The following DLGAP2 variants were observed in gnomAD, a reference collection of about 807,000 sequenced individuals.
The protein encoded by DLGAP2 is disks large-associated protein 2.
Under a neutral mutation model 100.3 loss-of-function variants are expected in DLGAP2, and 26 were observed. That is an observed-to-expected ratio of 0.26 (90% confidence interval 0.19 to 0.36). DLGAP2 has a LOEUF of 0.36. DLGAP2 is among the 10% of genes least tolerant of loss of function. The pLI is 1.00. For missense variants in DLGAP2, 1,858 were observed against 1,453.2 expected, an observed-to-expected ratio of 1.28 and a Z score of -4.53; for synonymous variants, 886 against 630.1, an observed-to-expected ratio of 1.41 and a Z score of -6.08.
At chr8:931,542 G>C (rs753774631) in intron 2 of DLGAP2, among the ~76,000 whole-genome samples, 9 of 152,188 alleles carry the variant, frequency 5.9e-5, no homozygotes, top group Non-Finnish European at 1.3e-4. Context: ...ACTGCCACTT[G>C]TCATGATGTT....
rs112169113 is a variant in DLGAP2 at position 963,894 on chromosome 8, G to T, written c.73+55928G>T. On this transcript the variant is annotated intron_variant, in intron 2 of 14. Coordinates refer to ENST00000637795, the MANE Select transcript of DLGAP2 (RefSeq NM_001346810.2). ...GCAATTAATACAAGTGTAAAGCCAA[G>T]TCCAGGTGGCTTGCAGCATTGCCTG... 5.0e-3 allele frequency among the ~76,000 whole-genome samples: 767 copies of T among 152,286 alleles called. 10 individuals are homozygous for T. Among genetic ancestry groups the T allele is most frequent in the African/African-American group, 0.018 (729 of 41,548 alleles).
chr8:1,514,045 ATAAT>A (rs1423339340), intron 4 of DLGAP2, among the ~76,000 whole-genome samples: 1 of 152,234 alleles, frequency 6.6e-6, no homozygotes, highest in Non-Finnish European at 1.5e-5. Context: ...TTTGCTTTAA[ATAAT>A]TTACTTCTGA....
rs55762722 is a variant in DLGAP2, at chr8:1,601,945, G to GGTGTGTGTGTGTGT, written c.1443-24773_1443-24760dup. Among the ~76,000 whole-genome samples the GGTGTGTGTGTGTGT allele has an allele frequency of 4.5e-3, 664 of 146,434 alleles. 3 individuals carry two copies. Among genetic ancestry groups the GGTGTGTGTGTGTGT allele is most frequent in the Non-Finnish European group, 5.8e-3 (385 of 66,734 alleles). On this transcript the variant is annotated intron_variant, in intron 6 of 14. Transcript: ENST00000637795. ...TGATCCTAAAACCTTAATTTAACAG[G>GGTGTGTGTGTGTGT]GTGTGTGTGTGTGTGTGTGTGTGTG...
chr8:1,050,017 C>T (rs796299312), intron 2 of DLGAP2, among the ~76,000 whole-genome samples: 3 of 152,312 alleles, frequency 2.0e-5, no homozygotes, highest in African/African-American at 7.2e-5. Context: ...CATATGTACA[C>T]ACATGCGGAT....
At chr8:811,966 A>G (rs73181029) in intron 1 of DLGAP2, among the ~76,000 whole-genome samples, 41,999 of 152,192 alleles carry the variant, frequency 0.28, 6,321 homozygotes, top group Admixed American at 0.45. Flanking sequence ...CAAACACGAC[A>G]TGATTGGCAC....
In DLGAP2 at chr8:1,061,414, G is replaced by A. The variant is rs560085818; in HGVS notation, c.73+153448G>A. Among the ~76,000 whole-genome samples the A allele has an allele frequency of 8.5e-5, 13 of 152,214 alleles. No homozygotes were observed. The East Asian group carries it at 2.1e-3, about 25-fold the overall frequency. On this transcript the variant is annotated intron_variant, in intron 2 of 14. Coordinates refer to ENST00000637795, the MANE Select transcript of DLGAP2 (RefSeq NM_001346810.2). ...AGTCCCAGCTCATCGGCTCATCCAC[G>A]TGTTCGTTGAGGGAAAACCACGCTG...
chr8:1,230,142 C>T (rs973709075), intron 2 of DLGAP2, among the ~76,000 whole-genome samples: 1 of 152,134 alleles, frequency 6.6e-6, no homozygotes, highest in African/African-American at 2.4e-5. Context: ...GCTCCTGGAA[C>T]TGATAAAGAA....
At chr8:1,373,117 G>A (rs552354016) in intron 3 of DLGAP2, among the ~76,000 whole-genome samples, 56 of 152,328 alleles carry the variant, frequency 3.7e-4, no homozygotes, top group African/African-American at 1.3e-3. Context: ...GCCTGGGGGG[G>A]CGCCAGCATG....
intron 1 of DLGAP2, among the ~76,000 whole-genome samples, chr8:897,723 C>T (rs946193069): frequency 5.3e-5 from 8 of 151,954 alleles, no homozygotes. Flanking sequence ...AGGGCTGCAT[C>T]CTGAGTTTCG....
At chr8:1,229,040 A>T (rs781731706) in intron 2 of DLGAP2, among the ~76,000 whole-genome samples, 1 of 152,190 alleles carries the variant, frequency 6.6e-6, no homozygotes, top group Non-Finnish European at 1.5e-5. Flanking sequence ...AAATTTCCTA[A>T]CAAATTATTA....
intron 3 of DLGAP2, among the ~76,000 whole-genome samples, chr8:1,422,955 C>A (rs1797140418): frequency 6.6e-6 from 1 of 152,146 alleles, no homozygotes; most frequent in Non-Finnish European, 1.5e-5. Flanking sequence ...GCCCCTTAGC[C>A]TGGGGAGGGG....
At chr8:950,770 T>A (rs758808238) in intron 2 of DLGAP2, among the ~76,000 whole-genome samples, 3 of 151,886 alleles carry the variant, frequency 2.0e-5, no homozygotes, top group Non-Finnish European at 4.4e-5. Flanking sequence ...TACAGGCATG[T>A]GCCACCGTGC....
chr8:1,171,925 T>C (rs188701603), intron 2 of DLGAP2, among the ~76,000 whole-genome samples: 6,217 of 152,208 alleles, frequency 0.041, 469 homozygotes, highest in African/African-American at 0.14. Context: ...ATCCTGTCAT[T>C]ATGATGTTAG....
intron 3 of DLGAP2, among the ~76,000 whole-genome samples, chr8:1,372,304 GGACGCT>G (rs1049281244): frequency 6.6e-6 from 1 of 152,046 alleles, no homozygotes; most frequent in African/African-American, 2.4e-5. Flanking sequence ...GCCAACGCTG[GGACGCT>G]GGTCACCGTG....
At chr8:1,306,895 C>T (rs1274148657) in intron 3 of DLGAP2, among the ~76,000 whole-genome samples, 3 of 151,964 alleles carry the variant, frequency 2.0e-5, no homozygotes, top group East Asian at 1.9e-4. Context: ...AAACAATACT[C>T]AACAGATAAA....
chr8:1,464,083 C>T (rs73672722), intron 3 of DLGAP2, among the ~76,000 whole-genome samples: 3,777 of 135,644 alleles, frequency 0.028, 130 homozygotes, highest in African/African-American at 0.095. Flanking sequence ...TCCTGAAGAG[C>T]TTCCTTCCAG....
chr8:1,272,154 A>C (rs866773148), intron 3 of DLGAP2, among the ~76,000 whole-genome samples: 4 of 152,248 alleles, frequency 2.6e-5, no homozygotes, highest in African/African-American at 9.6e-5. Flanking sequence ...TCAAATAAAA[A>C]ATAAGAAAGT....
At chr8:1,343,528 C>T (rs368658364) in intron 3 of DLGAP2, among the ~76,000 whole-genome samples, 2 of 152,198 alleles carry the variant, frequency 1.3e-5, no homozygotes, top group African/African-American at 2.4e-5. Context: ...CAAAGACTCT[C>T]TCAGGCTGGA....
intron 1 of DLGAP2, among the ~76,000 whole-genome samples, chr8:897,107 G>C (rs1030532898): frequency 1.3e-5 from 2 of 152,136 alleles, no homozygotes; most frequent in Non-Finnish European, 2.9e-5. Context: ...CGCTTGGAGT[G>C]GGGGTTCAGC....
Sources: allele counts gnomAD v4.1 joint callset (sites outside exome capture counted in the v4.1 genomes callset), GRCh38; gene constraint gnomAD v4.1.1; transcripts MANE v1.5; gene names NCBI Gene and HGNC (gene_info 2026-07-23, HGNC 2026-07-21).